Variants in OR9Q1 observed in about 807,000 individuals in gnomAD.
The protein encoded by OR9Q1 is olfactory receptor 9Q1.
For missense variants in OR9Q1, 374 were observed against 378.8 expected (o/e 0.99, Z 0.11); for synonymous variants, 153 against 148.6 (o/e 1.03, Z -0.22).
At chr11:58,141,954 A>C (rs963561589) in intron 2 of OR9Q1, among the ~76,000 whole-genome samples, 1 of 152,130 alleles carries the variant, frequency 6.6e-6, no homozygotes, top group South Asian at 2.1e-4. Context: ...AAGACCTGAA[A>C]ACCTCCATAT....
chr11:58,063,837 T>C (rs940484523), intron 2 of OR9Q1, among the ~76,000 whole-genome samples: 3 of 152,188 alleles, frequency 2.0e-5, no homozygotes, highest in Non-Finnish European at 2.9e-5. Flanking sequence ...ATTTAATATA[T>C]ACTGAAGATC....
intron 2 of OR9Q1, among the ~76,000 whole-genome samples, chr11:58,169,797 A>G (rs555072139): frequency 7.2e-5 from 11 of 151,998 alleles, no homozygotes; most frequent in Non-Finnish European, 1.5e-4. Flanking sequence ...GACATTTAGT[A>G]TAACTAATTT....
At chr11:58,120,803 C>CATATAT (rs61634454) in intron 2 of OR9Q1, among the ~76,000 whole-genome samples, 5,571 of 132,482 alleles carry the variant, frequency 0.042, 214 homozygotes, top group East Asian at 0.089. Flanking sequence ...ATTTCAATAC[C>CATATAT]ATATATATAT....
At chr11:58,170,062 C>T (rs1854540255) in intron 2 of OR9Q1, among the ~76,000 whole-genome samples, 1 of 152,062 alleles carries the variant, frequency 6.6e-6, no homozygotes, top group Admixed American at 6.6e-5. Flanking sequence ...TTAGAAGTCT[C>T]CATCAACCAT....
At chr11:58,069,785 G>T (rs1281967571) in intron 2 of OR9Q1, among the ~76,000 whole-genome samples, 1 of 151,690 alleles carries the variant, frequency 6.6e-6, no homozygotes, top group Non-Finnish European at 1.5e-5. Context: ...GTGGGAGATC[G>T]CTTGAGCCCA....
chr11:58,120,810 A>G (rs1168153283), intron 2 of OR9Q1, among the ~76,000 whole-genome samples: 1 of 145,612 alleles, frequency 6.9e-6, no homozygotes, highest in Non-Finnish European at 1.5e-5. Context: ...TACCATATAT[A>G]TATATATATA....
intron 2 of OR9Q1, among the ~76,000 whole-genome samples, chr11:58,101,464 T>C (rs1853782745): frequency 6.6e-6 from 1 of 152,186 alleles, no homozygotes; most frequent in African/African-American, 2.4e-5. Flanking sequence ...TGTCATTTGC[T>C]CACTTTTTGA....
chr11:58,177,791 T>A (rs1269093941), intron 2 of OR9Q1, among the ~76,000 whole-genome samples: 1 of 152,224 alleles, frequency 6.6e-6, no homozygotes, highest in African/African-American at 2.4e-5. Context: ...GCCTCATATA[T>A]TATTTGGTAA....
At chr11:58,122,378 T>C (rs983092675) in intron 2 of OR9Q1, among the ~76,000 whole-genome samples, 25 of 152,244 alleles carry the variant, frequency 1.6e-4, no homozygotes, top group African/African-American at 6.0e-4. Context: ...GTCACCTCTA[T>C]GACAGGCACT....
intron 2 of OR9Q1, among the ~76,000 whole-genome samples, chr11:58,083,671 G>T (rs979049591): frequency 8.6e-5 from 13 of 151,040 alleles, no homozygotes; most frequent in Non-Finnish European, 1.9e-4. Flanking sequence ...TCATTCTTCT[G>T]CATGTGGCTA....
At chr11:58,152,625 T>C (rs1170140981) in intron 2 of OR9Q1, among the ~76,000 whole-genome samples, 1 of 152,204 alleles carries the variant, frequency 6.6e-6, no homozygotes, top group Non-Finnish European at 1.5e-5. Context: ...CCTTTGTCTG[T>C]CATTTGTATT....
intron 2 of OR9Q1, among the ~76,000 whole-genome samples, chr11:58,133,644 T>C (rs1168360293): frequency 3.9e-5 from 6 of 152,114 alleles, no homozygotes; most frequent in Admixed American, 3.9e-4. Flanking sequence ...CATAGAAAGG[T>C]GAGATCACAT....
chr11:58,036,220 C>T (rs1853099369), intron 1 of OR9Q1, among the ~76,000 whole-genome samples: 1 of 152,168 alleles, frequency 6.6e-6, no homozygotes, highest in African/African-American at 2.4e-5. Context: ...CCGACTGCTT[C>T]ACTGAGTAAA....
intron 2 of OR9Q1, among the ~76,000 whole-genome samples, chr11:58,097,305 T>C (rs1853741687): frequency 6.6e-6 from 1 of 152,208 alleles, no homozygotes; most frequent in African/African-American, 2.4e-5. Context: ...GACATTCTTA[T>C]AAAAGCCTTT....
At chr11:58,031,297 G>A (rs757400811) in intron 1 of OR9Q1, 3 of 1,614,094 alleles carry the variant, frequency 1.9e-6, no homozygotes, top group South Asian at 1.1e-5. Context: ...GGGCAACTGA[G>A]TGTTTCCTAC....
intron 1 of OR9Q1, among the ~76,000 whole-genome samples, chr11:58,055,221 A>G (rs991935590): frequency 6.6e-5 from 10 of 152,144 alleles, no homozygotes; most frequent in Admixed American, 6.6e-4. Flanking sequence ...ATTAATACAT[A>G]AAAGTGCTTA....
chr11:58,175,720 C>T (rs974373279), intron 2 of OR9Q1, among the ~76,000 whole-genome samples: 1 of 151,924 alleles, frequency 6.6e-6, no homozygotes, highest in Admixed American at 6.6e-5. Context: ...GAACTCTTAG[C>T]ACAGCGACGA....
chr11:58,030,049 C>T (rs948917214), intron 1 of OR9Q1, among the ~76,000 whole-genome samples: 1 of 152,106 alleles, frequency 6.6e-6, no homozygotes, highest in African/African-American at 2.4e-5. Flanking sequence ...ACAATGTTGG[C>T]CAGGCTGATC....
chr11:58,041,408 T>G (rs750547107), intron 1 of OR9Q1: 1 of 153,368 alleles, frequency 6.5e-6, no homozygotes, highest in Non-Finnish European at 1.5e-5. Flanking sequence ...GGGTGGCCAA[T>G]GAACATGAAG....
Sources: allele counts gnomAD v4.1 joint callset (sites outside exome capture counted in the v4.1 genomes callset), GRCh38; gene constraint gnomAD v4.1.1; transcripts MANE v1.5; gene names NCBI Gene and HGNC (gene_info 2026-07-23, HGNC 2026-07-21).